TAF1B: variants seen among roughly 807,000 people sequenced by gnomAD.
The protein encoded by TAF1B is TATA box-binding protein-associated factor RNA polymerase I subunit B.
Under a neutral mutation model 83.9 loss-of-function variants are expected in TAF1B, and 61 were observed. The observed-to-expected ratio is 0.73, with a 90% CI of 0.59 to 0.90. The LOEUF (loss-of-function observed/expected upper bound fraction) is 0.90. TAF1B is among the 40% of genes least tolerant of loss of function. The pLI, the probability that TAF1B is intolerant of heterozygous loss-of-function variation, is 0.00. For synonymous variants in TAF1B, 221 were observed against 224.6 expected, an observed-to-expected ratio of 0.98 and a Z score of 0.14; for missense variants, 625 against 677.0, an observed-to-expected ratio of 0.92 and a Z score of 0.85.
In TAF1B at chr2:9,926,979, G is replaced by A. The variant is rs541237462; in HGVS notation, c.1566-6804G>A. On this transcript the variant is annotated intron_variant, in intron 14 of 14. Coordinates refer to ENST00000263663, the MANE Select transcript of TAF1B (RefSeq NM_005680.3). The stretch of plus-strand genomic sequence containing the variant: ...GTTGGTTTGCTGTACCCATCAACTG[G>A]TCATTTACATTAGGTATTTCTCCTA... Among the ~76,000 whole-genome samples the A allele has an allele frequency of 2.0e-5, 3 of 151,856 alleles. No individual in the cohort carries two copies. In the South Asian group the frequency reaches 6.3e-4, roughly 32 times the overall value.
At chr2:9,893,435 A>G (rs146658276) in intron 8 of TAF1B, among the ~76,000 whole-genome samples, 135 of 152,354 alleles carry the variant, frequency 8.9e-4, no homozygotes, top group African/African-American at 3.2e-3. Context: ...AATGTGATAT[A>G]GTCATATAAT....
intron 2 of TAF1B, among the ~76,000 whole-genome samples, chr2:9,846,624 T>C (rs1289953568): frequency 6.6e-6 from 1 of 152,218 alleles, no homozygotes; most frequent in Non-Finnish European, 1.5e-5. Context: ...GAAAAACATT[T>C]TCCCTTGACA....
chr2:9,916,911 A>T lies in TAF1B; in HGVS notation c.1272-2130A>T, dbSNP rs188786356. 2.8e-3 allele frequency among the ~76,000 whole-genome samples: 394 copies of T among 138,890 alleles called. 1 individual carries two copies. Among genetic ancestry groups the T allele is most frequent in the African/African-American group, 9.4e-3 (365 of 38,876 alleles). The allele number at this position is 138,890 out of a possible 152,430, so 91.1% of individuals were successfully genotyped here. A position where few individuals can be genotyped will look rare whatever the true frequency, so the allele number is the denominator to read the frequency against. On this transcript the variant is annotated intron_variant, in intron 12 of 14. Transcript: ENST00000263663. The stretch of plus-strand genomic sequence containing the variant: ...TGGAGTGCTGGAGTGCAATGACACG[A>T]TCTCGGCCCACCGCAACTTCCGCCT...
At chr2:9,863,614 A>G (rs1049594475) in intron 5 of TAF1B, among the ~76,000 whole-genome samples, 9 of 152,242 alleles carry the variant, frequency 5.9e-5, no homozygotes, top group African/African-American at 2.2e-4. Flanking sequence ...ACATCTATAG[A>G]ACTCTCCATC....
At chr2:9,853,671 T>C (rs1663470226) in intron 4 of TAF1B, among the ~76,000 whole-genome samples, 1 of 152,142 alleles carries the variant, frequency 6.6e-6, no homozygotes, top group Non-Finnish European at 1.5e-5. Flanking sequence ...TCTCACCATG[T>C]TGCCCAGGCT....
At chr2:9,860,104 C>G (rs1481396698) in intron 5 of TAF1B, among the ~76,000 whole-genome samples, 4 of 152,146 alleles carry the variant, frequency 2.6e-5, no homozygotes, top group African/African-American at 9.7e-5. Flanking sequence ...AACTCCCTCA[C>G]TATCACAAGA....
At chr2:9,851,398 A>T (rs16867196) in intron 3 of TAF1B, 143 bp from the exon 4 acceptor site, 145,754 of 526,122 alleles carry the variant, frequency 0.28, 21,672 homozygotes, top group East Asian at 0.33. Context: ...AAAATTCAAG[A>T]TGCTAAGCTG....
chr2:9,867,701 A>G (rs1046585677), intron 5 of TAF1B, among the ~76,000 whole-genome samples: 7 of 152,172 alleles, frequency 4.6e-5, no homozygotes, highest in Non-Finnish European at 1.0e-4. Context: ...TGTTGTTTCA[A>G]CAGTACATGT....
At chr2:9,859,526 A>G (rs1010283054) in intron 5 of TAF1B, among the ~76,000 whole-genome samples, 3 of 151,720 alleles carry the variant, frequency 2.0e-5, no homozygotes, top group Admixed American at 6.6e-5. Context: ...AGCTGGGACT[A>G]TAGATGCATG....
At chr2:9,843,888 C>A in intron 1 of TAF1B, 7 of 178,580 alleles carry the variant, frequency 3.9e-5, no homozygotes, top group Non-Finnish European at 5.8e-5. Flanking sequence ...GGACCACCCA[C>A]AAGTTCCCTT....
intron 14 of TAF1B, among the ~76,000 whole-genome samples, chr2:9,931,396 G>C (rs1321930702): frequency 1.3e-5 from 2 of 152,124 alleles, no homozygotes; most frequent in Non-Finnish European, 2.9e-5. Flanking sequence ...TTGCTTGTCT[G>C]TAAAGGATTT....
chr2:9,881,432 A>G (rs914901404), intron 7 of TAF1B, among the ~76,000 whole-genome samples: 2 of 152,062 alleles, frequency 1.3e-5, no homozygotes, highest in African/African-American at 2.4e-5. Flanking sequence ...CATTTTGTGT[A>G]CTTATTCCTG....
chr2:9,855,889 G>A (rs938089842), intron 5 of TAF1B, among the ~76,000 whole-genome samples: 3 of 152,126 alleles, frequency 2.0e-5, no homozygotes, highest in Non-Finnish European at 2.9e-5. Flanking sequence ...ATGGTTGTAT[G>A]GGTGCTTGAA....
intron 14 of TAF1B, among the ~76,000 whole-genome samples, chr2:9,924,898 A>G (rs1665988574): frequency 6.6e-6 from 1 of 152,202 alleles, no homozygotes; most frequent in Non-Finnish European, 1.5e-5. Flanking sequence ...TAGCTGAGGC[A>G]GAGTTAACAA....
intron 6 of TAF1B, among the ~76,000 whole-genome samples, chr2:9,873,486 A>G (rs115786750): frequency 3.5e-4 from 53 of 152,226 alleles, no homozygotes; most frequent in Non-Finnish European, 6.5e-4. Context: ...TAAAATTCCT[A>G]TCTCTAGTCC....
At chr2:9,845,169 G>T in intron 1 of TAF1B, 51 bp from the exon 2 acceptor site, 1 of 1,377,630 alleles carries the variant, frequency 7.3e-7, no homozygotes. Context: ...TAGGTACGAT[G>T]TATTGAATGT....
chr2:9,886,355 T>A (rs1011288336), intron 8 of TAF1B, among the ~76,000 whole-genome samples: 1 of 152,234 alleles, frequency 6.6e-6, no homozygotes, highest in African/African-American at 2.4e-5. Context: ...CATTTCTAGG[T>A]TTTCTCAAAT....
At chr2:9,855,649 A>C (rs537241227) in intron 5 of TAF1B, among the ~76,000 whole-genome samples, 1 of 152,142 alleles carries the variant, frequency 6.6e-6, no homozygotes, top group Non-Finnish European at 1.5e-5. Flanking sequence ...ACACCACTGC[A>C]CTCCAGCCTG....
chr2:9,888,807 T>TG (rs1664769696), intron 8 of TAF1B, among the ~76,000 whole-genome samples: 1 of 144,726 alleles, frequency 6.9e-6, no homozygotes, highest in Non-Finnish European at 1.5e-5. Flanking sequence ...TTTTTTTTTT[T>TG]TTTTTTTTTT....
Sources: gnomAD v4.1 joint callset for allele counts (sites outside exome capture counted in the v4.1 genomes callset) on GRCh38, gnomAD v4.1.1 for gene constraint, MANE v1.5 for transcripts, NCBI Gene and HGNC (gene_info 2026-07-23, HGNC 2026-07-21) for gene names.